RGS20: variants seen among roughly 807,000 people sequenced by gnomAD.
RGS20 encodes the protein regulator of G protein signaling 20, also known as gz-selective GTPase-activating protein.
Under a neutral mutation model 33.6 loss-of-function variants are expected in RGS20, and 30 were observed. The ratio of observed to expected loss-of-function variants is 0.89; its 90% CI spans 0.67 to 1.21. RGS20 has a LOEUF of 1.21. Ranked by LOEUF, RGS20 falls within the 50% of genes most tolerant of loss-of-function variation. RGS20 has a pLI of 0.00. For synonymous variants in RGS20, 208 were observed against 197.9 expected, an observed-to-expected ratio of 1.05 and a Z score of -0.43; for missense variants, 472 against 502.4, an observed-to-expected ratio of 0.94 and a Z score of 0.58.
rs536790345 is a variant in RGS20 at position 53,901,565 on chromosome 8, G to A, written c.510+21963G>A. ...TAAAACATTCCTTCTCTGAAAAACC[G>A]CACCTCTTAAATTCTGACACATGCT... On this transcript the variant is annotated intron_variant, in intron 2 of 5. Transcript: ENST00000297313. Among the ~76,000 whole-genome samples, 20 of 152,200 alleles carry A rather than the reference G, an allele frequency of 1.3e-4. No individual in the cohort carries two copies. In the East Asian group the frequency reaches 2.3e-3, roughly 18 times the overall value.
chr8:53,852,042 T>G lies in RGS20; in HGVS notation c.143T>G (p.Leu48Arg). ...CAAATCACAGAAAATGAAGGAGACC[T>G]CAGGGCTGTTCCTGATATCAAGGTA... The change falls in exon 1 of 6, where the codon CTC becomes CGC. Residue 48 changes from leucine to arginine, a missense_variant. Physicochemically the swap from Leu to Arg is moderately radical, Grantham distance 102 (BLOSUM62 -2). Transcript: ENST00000297313. 1 of 1,612,514 alleles carries G rather than the reference T, an allele frequency of 6.2e-7. No homozygotes were observed. Among genetic ancestry groups the G allele is most frequent in the Non-Finnish European group, 8.5e-7 (1 of 1,179,124 alleles).
intron 1 of RGS20, chr8:53,852,125 G>T (rs1811579976): frequency 4.1e-6 from 6 of 1,473,044 alleles, no homozygotes; most frequent in African/African-American, 2.8e-5. Context: ...TACCCAGAAA[G>T]AATATAAAAC....
At chr8:53,853,496 T>C (rs574564842) in intron 1 of RGS20, among the ~76,000 whole-genome samples, 1 of 152,090 alleles carries the variant, frequency 6.6e-6, no homozygotes, top group East Asian at 1.9e-4. Context: ...CAGGTGAGGG[T>C]AGAAGGAAGC....
At position 53,879,258 on chromosome 8, in the gene RGS20, T is replaced by C. The variant is rs200981554; in HGVS notation, c.166T>C (p.Ser56Pro). The change falls in exon 2 of 6, where the codon TCC becomes CCC. Residue 56 changes from serine (S) to proline (P), a missense_variant and splice_region_variant. By Grantham distance (74) the Ser-to-Pro change is moderately conservative (BLOSUM62 -1). Transcript: ENST00000297313. ...TTTTGTTTCTCTCTCCCCACCCCAG[T>C]CCTTCCCGCCTGCACAGCTCCCAGA... 307 of 1,613,054 alleles carry C rather than the reference T, an allele frequency of 1.9e-4. No individual in the cohort carries two copies. The highest frequency in any genetic ancestry group is 2.5e-4 in the Non-Finnish European group (292 of 1,179,552).
At chr8:53,859,636 G>A (rs925536056) in intron 1 of RGS20, among the ~76,000 whole-genome samples, 8 of 152,150 alleles carry the variant, frequency 5.3e-5, no homozygotes, top group African/African-American at 1.9e-4. Flanking sequence ...CTCAGGGAGT[G>A]TATTAGTCCA....
intron 2 of RGS20, among the ~76,000 whole-genome samples, chr8:53,894,606 C>G (rs1469690930): frequency 6.6e-6 from 1 of 152,184 alleles, no homozygotes; most frequent in Non-Finnish European, 1.5e-5. Flanking sequence ...TCGAATGTGG[C>G]CCATGTGCAG....
intron 4 of RGS20, among the ~76,000 whole-genome samples, chr8:53,952,441 A>C (rs561310537): frequency 5.8e-4 from 88 of 151,764 alleles, no homozygotes; most frequent in African/African-American, 2.0e-3. Flanking sequence ...AAAAAAAAAA[A>C]CTGGCTGGGC....
rs1475848626 is a variant in RGS20, at chr8:53,946,669, A to G, written c.664A>G (p.Thr222Ala). 1.9e-6 allele frequency: 3 copies of G among 1,610,270 alleles called. No individual in the cohort carries two copies. Among genetic ancestry groups the G allele is most frequent in the Admixed American group, 3.4e-5 (2 of 59,388 alleles). The change falls in exon 4 of 6, where the codon ACT becomes GCT. Residue 222 changes from threonine (T) to alanine (A), a missense_variant. Physicochemically the swap from Thr to Ala is moderately conservative, Grantham distance 58. Around this residue, in one of 3 missense-constraint regions of RGS20, gnomAD observed 319 missense variants for 283.4 expected, o/e 1.13. Coordinates refer to ENST00000297313, the MANE Select transcript of RGS20 (RefSeq NM_170587.4). ...GTGAATGTCTTTTTTTTGCAGTCTC[A>G]CTGTTAGAAACCAGGAAGATCAGAG...
chr8:53,922,130 G>C (rs1813665650), intron 2 of RGS20, among the ~76,000 whole-genome samples: 1 of 151,972 alleles, frequency 6.6e-6, no homozygotes, highest in Non-Finnish European at 1.5e-5. Flanking sequence ...TCATTGAATT[G>C]TCGGTTTTTC....
rs141887826 is a variant in RGS20, at chr8:53,871,624, A to AAAT, written c.166-7618_166-7616dup. ...AGAGTGAGAGTCCATCTCAAAAAAA[A>AAAT]AATAATAATAATAATAATTACAACA... On this transcript the variant is annotated intron_variant, in intron 1 of 5. Coordinates refer to ENST00000297313, the MANE Select transcript of RGS20 (RefSeq NM_170587.4). Among the ~76,000 whole-genome samples, 11 of 148,598 alleles carry AAAT rather than the reference A, an allele frequency of 7.4e-5. 1 individual carries two copies. The highest frequency in any genetic ancestry group is 3.4e-3 in the Middle Eastern group (1 of 290).
chr8:53,946,650 G>T lies in RGS20; in HGVS notation c.660-15G>T. The T allele has an allele frequency of 6.2e-7, 1 of 1,605,412 alleles. No homozygotes were observed. The highest frequency in any genetic ancestry group is 8.5e-7 in the Non-Finnish European group (1 of 1,174,554). ...GGGACTGAGCTGTCAACATGTGAATGTCTTTTTTTTGCAGTCTCACTGTTA... is the reference window on the plus strand; with the variant it reads ...GGGACTGAGCTGTCAACATGTGAATTTCTTTTTTTTGCAGTCTCACTGTTA... On this transcript the variant is annotated splice_polypyrimidine_tract_variant and intron_variant, in intron 3 of 5. Transcript: ENST00000297313.
chr8:53,929,530 T>C (rs150732461), intron 2 of RGS20, among the ~76,000 whole-genome samples: 2 of 152,206 alleles, frequency 1.3e-5, no homozygotes, highest in Non-Finnish European at 2.9e-5. Flanking sequence ...TAGCTGGACA[T>C]GGTGGCGGAC....
At chr8:53,941,980 A>T (rs1327796191) in intron 3 of RGS20, among the ~76,000 whole-genome samples, 3 of 152,040 alleles carry the variant, frequency 2.0e-5, no homozygotes, top group Non-Finnish European at 2.9e-5. Context: ...TTCCCACCTT[A>T]AAAAAAAGAT....
At chr8:53,946,384 A>C (rs1814477971) in intron 3 of RGS20, among the ~76,000 whole-genome samples, 1 of 152,248 alleles carries the variant, frequency 6.6e-6, no homozygotes, top group East Asian at 1.9e-4. Flanking sequence ...TTTTCTAATG[A>C]ATGTTTTTAT....
At chr8:53,881,441 G>A (rs1039350411) in intron 2 of RGS20, among the ~76,000 whole-genome samples, 1 of 152,158 alleles carries the variant, frequency 6.6e-6, no homozygotes, top group South Asian at 2.1e-4. Flanking sequence ...ACCACCCGAA[G>A]CGTATTTCGG....
intron 3 of RGS20, among the ~76,000 whole-genome samples, chr8:53,945,668 C>A (rs1266772468): frequency 6.6e-6 from 1 of 152,268 alleles, no homozygotes. Flanking sequence ...GTAATCCCAG[C>A]ACTTTGGGAG....
intron 1 of RGS20, among the ~76,000 whole-genome samples, chr8:53,856,026 A>G (rs1225048295): frequency 6.6e-6 from 1 of 152,166 alleles, no homozygotes; most frequent in African/African-American, 2.4e-5. Context: ...AGCTTCTGAC[A>G]GTGATTTAAA....
intron 1 of RGS20, among the ~76,000 whole-genome samples, chr8:53,866,719 G>A (rs540900584): frequency 1.8e-4 from 28 of 152,186 alleles, no homozygotes; most frequent in Admixed American, 1.5e-3. Context: ...CATCTGTAAC[G>A]TGGGGAATGG....
chr8:53,875,191 T>G (rs1842982), intron 1 of RGS20, among the ~76,000 whole-genome samples: 11,884 of 152,054 alleles, frequency 0.078, 991 homozygotes, highest in East Asian at 0.32. Context: ...CACCACTTTG[T>G]GAGGCCAAGG....
Sources: allele counts gnomAD v4.1 joint callset (sites outside exome capture counted in the v4.1 genomes callset), GRCh38; gene constraint gnomAD v4.1.1; regional missense constraint gnomAD v4.1.1; transcripts MANE v1.5; gene names NCBI Gene and HGNC (gene_info 2026-07-23, HGNC 2026-07-21).